LDLRAD3: variants seen among roughly 807,000 people sequenced by gnomAD.
The protein encoded by LDLRAD3 is low-density lipoprotein receptor class A domain-containing protein 3.
LDLRAD3 carries 20 observed loss-of-function variants against 29.4 expected under a neutral mutation model. That is an observed-to-expected ratio of 0.68 (90% CI 0.48 to 0.99). The LOEUF is 0.99. LDLRAD3 is among the 50% of genes least tolerant of loss of function. The pLI, the probability that LDLRAD3 is intolerant of heterozygous loss-of-function variation, is 0.00. For synonymous variants in LDLRAD3, 157 were observed against 192.7 expected (o/e 0.81, Z 1.53); for missense variants, 420 against 454.3 (o/e 0.92, Z 0.69).
intron 4 of LDLRAD3, among the ~76,000 whole-genome samples, chr11:36,124,873 G>A (rs1853813602): frequency 1.3e-5 from 2 of 151,956 alleles, no homozygotes; most frequent in Admixed American, 1.3e-4. Context: ...GGTATTTTTA[G>A]TAGAGACGGG....
intron 4 of LDLRAD3, among the ~76,000 whole-genome samples, chr11:36,198,864 G>A (rs1024538495): frequency 6.6e-6 from 1 of 152,132 alleles, no homozygotes; most frequent in Non-Finnish European, 1.5e-5. Flanking sequence ...TACACATTTG[G>A]AGGAAAAATG....
chr11:36,087,947 A>G lies in LDLRAD3; in HGVS notation c.319+6169A>G, dbSNP rs539643904. 2.0e-5 allele frequency among the ~76,000 whole-genome samples: 3 copies of G among 152,062 alleles called. No homozygotes were observed. In the South Asian group the frequency reaches 6.2e-4, roughly 32 times the overall value. On this transcript the variant is annotated intron_variant, in intron 3 of 5. Coordinates refer to ENST00000315571, the MANE Select transcript of LDLRAD3 (RefSeq NM_174902.4). ...TTACCCAGGCTAGTGTCAAACTCCT[A>G]GCCTCAAGAAATCCACCCTGCTTGG...
intron 4 of LDLRAD3, among the ~76,000 whole-genome samples, chr11:36,211,147 C>G (rs528915910): frequency 6.6e-6 from 1 of 152,152 alleles, no homozygotes; most frequent in Non-Finnish European, 1.5e-5. Flanking sequence ...GAGTCACTGT[C>G]TCAACTATGC....
At chr11:36,069,305 G>C (rs960209544) in intron 2 of LDLRAD3, among the ~76,000 whole-genome samples, 3 of 152,194 alleles carry the variant, frequency 2.0e-5, no homozygotes, top group African/African-American at 7.2e-5. Flanking sequence ...TTAGAAGTCA[G>C]TTATTTTTAC....
chr11:36,101,536 G>A (rs973448399), intron 4 of LDLRAD3, among the ~76,000 whole-genome samples: 4 of 152,090 alleles, frequency 2.6e-5, no homozygotes, highest in East Asian at 1.9e-4. Flanking sequence ...AGAGAATTCC[G>A]TCATTTCCTC....
intron 1 of LDLRAD3, among the ~76,000 whole-genome samples, chr11:36,012,993 A>G (rs540471609): frequency 6.6e-6 from 1 of 152,356 alleles, no homozygotes; most frequent in South Asian, 2.1e-4. Context: ...TTTGAAATAT[A>G]AAAAATGTCC....
At chr11:35,957,647 A>G (rs1851219798) in intron 1 of LDLRAD3, among the ~76,000 whole-genome samples, 1 of 151,996 alleles carries the variant, frequency 6.6e-6, no homozygotes, top group Non-Finnish European at 1.5e-5. Flanking sequence ...TAAAAATACA[A>G]AAATTAGCCG....
At chr11:36,188,652 C>T (rs2133363611) in intron 4 of LDLRAD3, among the ~76,000 whole-genome samples, 1 of 152,264 alleles carries the variant, frequency 6.6e-6, no homozygotes, top group Non-Finnish European at 1.5e-5. Flanking sequence ...GCGACTGCCC[C>T]TCTCACACCC....
chr11:36,145,194 G>A lies in LDLRAD3; in HGVS notation c.454+46733G>A, dbSNP rs1192430741. Among the ~76,000 whole-genome samples, 75 of 112,576 alleles carry A rather than the reference G, an allele frequency of 6.7e-4. 3 individuals are homozygous for A. Among genetic ancestry groups the A allele is most frequent in the African/African-American group, 2.4e-3 (73 of 29,886 alleles). The allele number at this position is 112,576 out of a possible 152,430, so 73.9% of individuals were successfully genotyped here. On this transcript the variant is annotated intron_variant, in intron 4 of 5. Coordinates refer to ENST00000315571, the MANE Select transcript of LDLRAD3 (RefSeq NM_174902.4). ...CCCCGCCCGGCCAGCTGCCCCGTCCGGGAGGGAGGTGGGGGGGTCAGCCCC... is the reference window on the plus strand; with the variant it reads ...CCCCGCCCGGCCAGCTGCCCCGTCCAGGAGGGAGGTGGGGGGGTCAGCCCC...
At chr11:36,074,762 G>A (rs10430962) in intron 2 of LDLRAD3, among the ~76,000 whole-genome samples, 23,024 of 152,188 alleles carry the variant, frequency 0.15, 2,086 homozygotes, top group East Asian at 0.35. Flanking sequence ...CAAGGACCGT[G>A]TGTCAGAAGC....
intron 4 of LDLRAD3, among the ~76,000 whole-genome samples, chr11:36,184,426 A>T (rs1015300230): frequency 1.6e-4 from 24 of 152,206 alleles, no homozygotes; most frequent in African/African-American, 5.8e-4. Context: ...TCTATTTCTG[A>T]TATCTGCTGT....
intron 1 of LDLRAD3, chr11:35,967,607 T>C: frequency 2.2e-6 from 1 of 456,306 alleles, no homozygotes; most frequent in South Asian, 1.7e-5. Flanking sequence ...GAGAAACTAA[T>C]CAGCTTCATT....
intron 2 of LDLRAD3, among the ~76,000 whole-genome samples, chr11:36,069,437 G>A (rs996229173): frequency 6.6e-6 from 1 of 152,202 alleles, no homozygotes; most frequent in Non-Finnish European, 1.5e-5. Flanking sequence ...CAGATCGACC[G>A]CTTTTTGCAG....
At chr11:36,080,933 C>T (rs954164920) in intron 2 of LDLRAD3, among the ~76,000 whole-genome samples, 7 of 152,122 alleles carry the variant, frequency 4.6e-5, no homozygotes, top group Admixed American at 1.3e-4. Context: ...GGGCTGATCA[C>T]GTAGGCACCC....
chr11:36,050,749 C>T (rs1852514898), intron 2 of LDLRAD3, among the ~76,000 whole-genome samples: 1 of 152,172 alleles, frequency 6.6e-6, no homozygotes, highest in Non-Finnish European at 1.5e-5. Flanking sequence ...ATTTAATCTT[C>T]TCAGAGTGAC....
intron 1 of LDLRAD3, among the ~76,000 whole-genome samples, chr11:35,961,512 A>G (rs546472063): frequency 6.6e-6 from 1 of 152,346 alleles, no homozygotes; most frequent in South Asian, 2.1e-4. Flanking sequence ...TCATGAATGC[A>G]GGTTGCTTAG....
intron 4 of LDLRAD3, among the ~76,000 whole-genome samples, chr11:36,104,938 C>T (rs1853505143): frequency 6.6e-6 from 1 of 152,196 alleles, no homozygotes; most frequent in Non-Finnish European, 1.5e-5. Flanking sequence ...TGTTTTCCCT[C>T]TCTTTGTACT....
chr11:35,958,294 G>C (rs538074679), intron 1 of LDLRAD3, among the ~76,000 whole-genome samples: 1 of 152,328 alleles, frequency 6.6e-6, no homozygotes, highest in Non-Finnish European at 1.5e-5. Flanking sequence ...GAGCATTTCT[G>C]TCATTGAGGA....
At chr11:35,976,179 G>T (rs963346523) in intron 1 of LDLRAD3, among the ~76,000 whole-genome samples, 1 of 152,116 alleles carries the variant, frequency 6.6e-6, no homozygotes, top group African/African-American at 2.4e-5. Context: ...GGTGATGTTG[G>T]CAGGAAACCT....
Sources: allele counts gnomAD v4.1 joint callset (sites outside exome capture counted in the v4.1 genomes callset), GRCh38; gene constraint gnomAD v4.1.1; transcripts MANE v1.5; gene names NCBI Gene and HGNC (gene_info 2026-07-23, HGNC 2026-07-21).